Variants in MC2R observed in about 807,000 individuals in gnomAD.
The protein encoded by MC2R is melanocortin 2 receptor, also known as adrenocorticotropic hormone receptor.
In MC2R, 9 loss-of-function variants were observed where a neutral mutation model predicts 9.8. That is an observed-to-expected ratio of 0.92 (90% CI 0.55 to 1.60). The LOEUF is 1.60. MC2R is among the 40% of genes most tolerant of loss of function. The pLI, the probability that MC2R is intolerant of heterozygous loss-of-function variation, is 0.00. For missense variants in MC2R, 370 were observed against 389.0 expected, an observed-to-expected ratio of 0.95 and a Z score of 0.41; for synonymous variants, 185 against 154.7, an observed-to-expected ratio of 1.20 and a Z score of -1.45.
chr18:13,893,317 T>C (rs984402718), intron 1 of MC2R, among the ~76,000 whole-genome samples: 16 of 152,224 alleles, frequency 1.1e-4, no homozygotes, highest in African/African-American at 3.9e-4. Flanking sequence ...TGAGTATTGA[T>C]AGTGAAAGTC....
intron 1 of MC2R, among the ~76,000 whole-genome samples, chr18:13,897,809 G>C (rs994781495): frequency 5.3e-5 from 8 of 152,022 alleles, no homozygotes; most frequent in Non-Finnish European, 1.0e-4. Context: ...GAAGGAACCA[G>C]TTCTGGCAGC....
intron 1 of MC2R, among the ~76,000 whole-genome samples, chr18:13,914,939 C>T (rs1941089): frequency 6.6e-6 from 1 of 152,142 alleles, no homozygotes; most frequent in Admixed American, 6.5e-5. Flanking sequence ...AAGGTGGAGG[C>T]TGACTGAGCT....
intron 1 of MC2R, among the ~76,000 whole-genome samples, chr18:13,888,757 T>C (rs1247246473): frequency 6.6e-6 from 1 of 152,210 alleles, no homozygotes; most frequent in Non-Finnish European, 1.5e-5. Context: ...AGATTGCCTG[T>C]AGAACACACT....
chr18:13,892,805 T>TACACACACACACAC (rs34352644), intron 1 of MC2R, among the ~76,000 whole-genome samples: 2 of 147,106 alleles, frequency 1.4e-5, no homozygotes, highest in African/African-American at 5.1e-5. Context: ...CATAATCTGT[T>TACACACACACACAC]ACACACACAC....
chr18:13,909,236 A>G (rs979776099), intron 1 of MC2R, among the ~76,000 whole-genome samples: 1 of 152,128 alleles, frequency 6.6e-6, no homozygotes, highest in East Asian at 1.9e-4. Flanking sequence ...TCATGATTAG[A>G]CTGGGGTTAT....
intron 1 of MC2R, among the ~76,000 whole-genome samples, chr18:13,903,045 G>A (rs1053553820): frequency 1.3e-5 from 2 of 152,126 alleles, no homozygotes; most frequent in African/African-American, 4.8e-5. Flanking sequence ...TTGAATAGAT[G>A]TATCTCTAAA....
In MC2R at chr18:13,882,476, T is replaced by A. The variant is rs2045238332; in HGVS notation, c.*2149A>T. The stretch of plus-strand genomic sequence containing the variant: ...TTAGACTAGCCATCTTCATTTTGTT[T>A]CTTAGATTAACTGCAACAAATCAAA... On this transcript the variant is annotated 3_prime_UTR_variant, in exon 2 of 2. Transcript: ENST00000327606. 6.6e-6 allele frequency: 1 copy of A among 152,254 alleles called. No homozygotes were observed. Among genetic ancestry groups the A allele is most frequent in the Non-Finnish European group, 1.5e-5 (1 of 68,046 alleles). The allele number at this position is 152,254 out of a possible 1,614,324, so 9.4% of individuals were successfully genotyped here. A position where few individuals can be genotyped will look rare whatever the true frequency, so the allele number is the denominator to read the frequency against.
intron 1 of MC2R, among the ~76,000 whole-genome samples, chr18:13,900,404 C>G (rs2045371899): frequency 6.6e-6 from 1 of 151,942 alleles, no homozygotes. Flanking sequence ...CCTTACTTAT[C>G]AATAATAATA....
At chr18:13,893,670 T>C (rs1027216998) in intron 1 of MC2R, among the ~76,000 whole-genome samples, 2 of 152,212 alleles carry the variant, frequency 1.3e-5, no homozygotes, top group Admixed American at 6.5e-5. Context: ...GGGGTTTGTG[T>C]TGCTTGCTGG....
intron 1 of MC2R, among the ~76,000 whole-genome samples, chr18:13,901,977 C>A (rs566375152): frequency 6.6e-6 from 1 of 151,922 alleles, no homozygotes; most frequent in Non-Finnish European, 1.5e-5. Context: ...TCCATCCCCC[C>A]CACCGACTGC....
intron 1 of MC2R, among the ~76,000 whole-genome samples, chr18:13,894,929 C>T (rs974994730): frequency 2.6e-5 from 4 of 152,236 alleles, no homozygotes; most frequent in Admixed American, 2.6e-4. Flanking sequence ...AACACCACAG[C>T]GTGTTTTGTT....
chr18:13,900,175 T>C (rs2045370612), intron 1 of MC2R, among the ~76,000 whole-genome samples: 2 of 152,116 alleles, frequency 1.3e-5, no homozygotes, highest in South Asian at 2.1e-4. Context: ...GCAAACAATG[T>C]TAAGTTGTTA....
chr18:13,893,936 G>C (rs2045331451), intron 1 of MC2R, among the ~76,000 whole-genome samples: 1 of 152,178 alleles, frequency 6.6e-6, no homozygotes, highest in African/African-American at 2.4e-5. Flanking sequence ...TTCACCAGAG[G>C]GATGGCCTAA....
At chr18:13,901,745 C>T (rs1476662728) in intron 1 of MC2R, among the ~76,000 whole-genome samples, 1 of 152,084 alleles carries the variant, frequency 6.6e-6, no homozygotes, top group Non-Finnish European at 1.5e-5. Flanking sequence ...AATAAAAAGT[C>T]TCCCAGTAAA....
chr18:13,905,315 G>A (rs144044095), intron 1 of MC2R, among the ~76,000 whole-genome samples: 15,302 of 151,976 alleles, frequency 0.1, 999 homozygotes, highest in Non-Finnish European at 0.15. Context: ...GTGAAACCCC[G>A]TCTCTACTAA....
At chr18:13,913,129 C>T (rs888973231) in intron 1 of MC2R, among the ~76,000 whole-genome samples, 2 of 152,054 alleles carry the variant, frequency 1.3e-5, no homozygotes, top group African/African-American at 2.4e-5. Context: ...AGGAAAGTCC[C>T]GAGAATGGAA....
intron 1 of MC2R, among the ~76,000 whole-genome samples, chr18:13,890,684 C>T (rs541871607): frequency 6.6e-6 from 1 of 152,212 alleles, no homozygotes; most frequent in Admixed American, 6.5e-5. Flanking sequence ...TTGTACGGCC[C>T]AATACACTTA....
At chr18:13,888,905 G>T (rs984962036) in intron 1 of MC2R, among the ~76,000 whole-genome samples, 1 of 152,220 alleles carries the variant, frequency 6.6e-6, no homozygotes, top group Admixed American at 6.5e-5. Context: ...CCTGCCATAT[G>T]TCTGGCTCTC....
In MC2R at chr18:13,908,707, TGTGTG is replaced by T. The variant is rs1233341983; in HGVS notation, c.-129+6776_-129+6780del. Among the ~76,000 whole-genome samples the T allele has an allele frequency of 2.5e-3, 59 of 23,824 alleles. 1 individual carries two copies. Among genetic ancestry groups the T allele is most frequent in the Admixed American group, 9.2e-3 (12 of 1,310 alleles). The allele number at this position is 23,824 out of a possible 152,430, so 15.6% of individuals were successfully genotyped here. A position where few individuals can be genotyped will look rare whatever the true frequency, so the allele number is the denominator to read the frequency against. ...GCAGTTCAACGGTGCAGGAGCTTCT[TGTGTG>T]TGTGTGTGTGTGTGTGTGTGTGTGT... On this transcript the variant is annotated intron_variant, in intron 1 of 1. Coordinates refer to ENST00000327606, the MANE Select transcript of MC2R (RefSeq NM_000529.2).
Sources: gnomAD v4.1 joint callset for allele counts (sites outside exome capture counted in the v4.1 genomes callset) on GRCh38, gnomAD v4.1.1 for gene constraint, MANE v1.5 for transcripts, NCBI Gene and HGNC (gene_info 2026-07-23, HGNC 2026-07-21) for gene names.